The following SETBP1 variants were observed in gnomAD, a reference collection of about 807,000 sequenced individuals.
The protein encoded by SETBP1 is SET binding protein 1.
Under a neutral mutation model 101.0 loss-of-function variants are expected in SETBP1, and 9 were observed. That is an observed-to-expected ratio of 0.09 (90% confidence interval 0.05 to 0.16). The LOEUF is 0.16. Among genes scored for constraint, SETBP1 ranks in the 10% least tolerant of loss-of-function variants. SETBP1 has a pLI of 1.00. For missense variants in SETBP1, 1,858 were observed against 2,033.8 expected, an observed-to-expected ratio of 0.91 and a Z score of 1.66; for synonymous variants, 818 against 788.5, an observed-to-expected ratio of 1.04 and a Z score of -0.63.
chr18:44,876,954 TA>T, intron 3 of SETBP1: 1 of 1,289,266 alleles, frequency 7.8e-7, no homozygotes, highest in Non-Finnish European at 9.8e-7. Context: ...CCTGAAGAGA[TA>T]ATGCATTAGG....
At chr18:44,736,914 G>C (rs984132447) in intron 2 of SETBP1, among the ~76,000 whole-genome samples, 1 of 152,204 alleles carries the variant, frequency 6.6e-6, no homozygotes. Flanking sequence ...CTTAGCCACT[G>C]TGTCCTCTGT....
rs2073981676 is a variant in SETBP1, at chr18:45,067,354, C to T, written c.*3656C>T. 1 of 152,138 alleles carries T rather than the reference C, an allele frequency of 6.6e-6. No homozygotes were observed. Among genetic ancestry groups the T allele is most frequent in the Non-Finnish European group, 1.5e-5 (1 of 68,016 alleles). The allele number at this position is 152,138 out of a possible 1,614,324, so 9.4% of individuals were successfully genotyped here. On this transcript the variant is annotated 3_prime_UTR_variant, in exon 6 of 6. Transcript: ENST00000649279. ...TACCCAACAATATTCAGATAATGAG[C>T]TTTTGGAGAATATCTTTTTCCTATC...
At chr18:45,032,856 T>G (rs1372292661) in intron 4 of SETBP1, among the ~76,000 whole-genome samples, 1 of 152,194 alleles carries the variant, frequency 6.6e-6, no homozygotes, top group Non-Finnish European at 1.5e-5. Context: ...TGTCTTCTGA[T>G]GATTAAAAAG....
chr18:45,041,631 C>T (rs971501989), intron 5 of SETBP1, among the ~76,000 whole-genome samples: 2 of 152,076 alleles, frequency 1.3e-5, no homozygotes, highest in Non-Finnish European at 2.9e-5. Flanking sequence ...TAAGAAGGTA[C>T]TGAAGTAATT....
At chr18:44,984,669 T>A (rs1467426353) in intron 4 of SETBP1, among the ~76,000 whole-genome samples, 1 of 152,214 alleles carries the variant, frequency 6.6e-6, no homozygotes, top group Non-Finnish European at 1.5e-5. Flanking sequence ...GTGGATTAAA[T>A]GAGGTCACAC....
chr18:45,018,633 T>G lies in SETBP1; in HGVS notation c.4001-19852T>G, dbSNP rs1245840759. Reference sequence around the variant, plus strand: ...GGTGATGTGTTATGTGCTGGATAGATTTTTACTTCATTGAAGCCTCACAAC... The same window carrying G: ...GGTGATGTGTTATGTGCTGGATAGAGTTTTACTTCATTGAAGCCTCACAAC... On this transcript the variant is annotated intron_variant, in intron 4 of 5. Transcript: ENST00000649279. Among the ~76,000 whole-genome samples, 3 of 152,226 alleles carry G rather than the reference T, an allele frequency of 2.0e-5. No homozygotes were observed. The South Asian group carries it at 6.2e-4, about 31-fold the overall frequency.
At chr18:44,702,492 G>T (rs1037178949) in intron 2 of SETBP1, among the ~76,000 whole-genome samples, 3 of 152,162 alleles carry the variant, frequency 2.0e-5, no homozygotes, top group African/African-American at 7.2e-5. Flanking sequence ...AATAGCTATA[G>T]AATTGTAATT....
chr18:44,964,995 A>T (rs779706269), intron 4 of SETBP1, among the ~76,000 whole-genome samples: 6 of 152,202 alleles, frequency 3.9e-5, no homozygotes, highest in Non-Finnish European at 8.8e-5. Flanking sequence ...AGATTTCTAG[A>T]TTGTGCTATT....
chr18:44,827,550 A>G (rs1211971083), intron 2 of SETBP1, among the ~76,000 whole-genome samples: 1 of 152,158 alleles, frequency 6.6e-6, no homozygotes, highest in Non-Finnish European at 1.5e-5. Flanking sequence ...TATATCATTG[A>G]CGGTCTTTTG....
intron 2 of SETBP1, among the ~76,000 whole-genome samples, chr18:44,855,895 G>A (rs1001656930): frequency 3.3e-5 from 5 of 152,190 alleles, no homozygotes; most frequent in African/African-American, 4.8e-5. Context: ...TTGCCTGGGC[G>A]TGTCATCAAA....
intron 2 of SETBP1, among the ~76,000 whole-genome samples, chr18:44,817,803 T>C (rs1343565173): frequency 6.6e-6 from 1 of 151,926 alleles, no homozygotes; most frequent in South Asian, 2.1e-4. Context: ...AGGAGGAACG[T>C]GGGTCTCTGT....
At chr18:44,784,415 A>G (rs983313089) in intron 2 of SETBP1, among the ~76,000 whole-genome samples, 3 of 152,068 alleles carry the variant, frequency 2.0e-5, no homozygotes, top group East Asian at 1.9e-4. Context: ...TGCACTTGCT[A>G]TGATCTGTTC....
intron 3 of SETBP1, among the ~76,000 whole-genome samples, chr18:44,928,287 C>T (rs1183030840): frequency 6.6e-6 from 1 of 152,298 alleles, no homozygotes; most frequent in East Asian, 1.9e-4. Context: ...GTATAGTATT[C>T]CATGGTGTAT....
At chr18:44,774,747 G>T (rs1296065886) in intron 2 of SETBP1, among the ~76,000 whole-genome samples, 1 of 152,158 alleles carries the variant, frequency 6.6e-6, no homozygotes, top group Non-Finnish European at 1.5e-5. Flanking sequence ...CAGTCTGGAA[G>T]GGTCCTAGCC....
chr18:44,987,662 A>T (rs1208155921), intron 4 of SETBP1: 1 of 152,212 alleles, frequency 6.6e-6, no homozygotes, highest in African/African-American at 2.4e-5. Flanking sequence ...GTTTCTCAGC[A>T]ATGATTGGTT....
intron 5 of SETBP1, among the ~76,000 whole-genome samples, chr18:45,054,707 C>T (rs956406607): frequency 6.6e-6 from 1 of 152,140 alleles, no homozygotes; most frequent in Non-Finnish European, 1.5e-5. Flanking sequence ...CCTTAGAAGT[C>T]CCTTGAGCAA....
intron 5 of SETBP1, among the ~76,000 whole-genome samples, chr18:45,047,260 C>T (rs1568049511): frequency 1.3e-5 from 2 of 152,110 alleles, no homozygotes; most frequent in African/African-American, 4.8e-5. Flanking sequence ...AGAAAACCTC[C>T]CATACGTGAA....
intron 2 of SETBP1, among the ~76,000 whole-genome samples, chr18:44,838,885 T>C (rs945596567): frequency 1.3e-5 from 2 of 152,102 alleles, no homozygotes; most frequent in African/African-American, 4.8e-5. Context: ...TGACAGTTGT[T>C]GTGGCATGCA....
chr18:44,896,307 T>C (rs1217924762), intron 3 of SETBP1, among the ~76,000 whole-genome samples: 1 of 152,210 alleles, frequency 6.6e-6, no homozygotes, highest in Non-Finnish European at 1.5e-5. Context: ...TTCCAGCAGC[T>C]TCTCTATTTC....
Sources: gnomAD v4.1 joint callset for allele counts (sites outside exome capture counted in the v4.1 genomes callset) on GRCh38, gnomAD v4.1.1 for gene constraint, MANE v1.5 for transcripts, NCBI Gene and HGNC (gene_info 2026-07-23, HGNC 2026-07-21) for gene names.